GRHL2: variants seen among roughly 807,000 people sequenced by gnomAD.
GRHL2 encodes the protein grainyhead-like protein 2 homolog.
A neutral mutation model predicts 83.8 loss-of-function variants in GRHL2; 21 were observed. That is an observed-to-expected ratio of 0.25 (90% CI 0.18 to 0.36). GRHL2 has a LOEUF of 0.36. Ranked by LOEUF, GRHL2 falls within the 10% of genes least tolerant of loss-of-function variation. The pLI, the probability that GRHL2 is intolerant of heterozygous loss-of-function variation, is 1.00. For missense variants in GRHL2, 623 were observed against 781.8 expected (o/e 0.80, Z 2.42); for synonymous variants, 280 against 278.9 (o/e 1.00, Z -0.04).
At chr8:101,629,841 T>A (rs556086040) in intron 9 of GRHL2, among the ~76,000 whole-genome samples, 1 of 152,260 alleles carries the variant, frequency 6.6e-6, no homozygotes, top group African/African-American at 2.4e-5. Flanking sequence ...TTTGAAAATA[T>A]GTTTTCTAGC....
At chr8:101,550,082 G>A (rs1811346851) in intron 2 of GRHL2, among the ~76,000 whole-genome samples, 1 of 151,086 alleles carries the variant, frequency 6.6e-6, no homozygotes, top group South Asian at 2.1e-4. Context: ...TAATCTCAAT[G>A]CCAGTGGAAT....
intron 1 of GRHL2, among the ~76,000 whole-genome samples, chr8:101,538,070 C>T (rs990334149): frequency 2.6e-5 from 4 of 152,216 alleles, no homozygotes; most frequent in Non-Finnish European, 5.9e-5. Context: ...CGGGGTTTCC[C>T]ATGAACATGC....
the GRHL2 span, among the ~76,000 whole-genome samples, chr8:101,681,123 T>G: frequency 6.7e-6 from 1 of 149,568 alleles, no homozygotes; most frequent in African/African-American, 2.5e-5. Context: ...CTTCAAAAAA[T>G]TAATGAATCC....
At chr8:101,535,410 G>C (rs901846103) in intron 1 of GRHL2, among the ~76,000 whole-genome samples, 15 of 152,168 alleles carry the variant, frequency 9.9e-5, no homozygotes, top group Non-Finnish European at 2.1e-4. Flanking sequence ...AGGCTGTTGT[G>C]AATCCAAGGC....
At chr8:101,663,905 GTTTT>G (rs771402553) in intron 14 of GRHL2, among the ~76,000 whole-genome samples, 6 of 144,906 alleles carry the variant, frequency 4.1e-5, no homozygotes, top group East Asian at 4.0e-4. Flanking sequence ...TAGCATTTTA[GTTTT>G]TTTTTTTCTG....
intron 8 of GRHL2, among the ~76,000 whole-genome samples, chr8:101,607,294 AC>A (rs1455099167): frequency 6.6e-6 from 1 of 152,194 alleles, no homozygotes; most frequent in African/African-American, 2.4e-5. Flanking sequence ...ACTGCTGGAT[AC>A]CAAAGGAGAA....
chr8:101,562,641 A>G (rs1563581773), intron 4 of GRHL2, among the ~76,000 whole-genome samples: 1 of 152,188 alleles, frequency 6.6e-6, no homozygotes. Context: ...TAAAAAGATG[A>G]TCTTGTATTC....
chr8:101,633,310 A>G (rs1343158258), intron 11 of GRHL2, among the ~76,000 whole-genome samples: 1 of 152,210 alleles, frequency 6.6e-6, no homozygotes, highest in Non-Finnish European at 1.5e-5. Context: ...TTTTGTATCA[A>G]TTAGTTTTCT....
chr8:101,586,427 C>T (rs1812173171), intron 7 of GRHL2, among the ~76,000 whole-genome samples: 1 of 152,180 alleles, frequency 6.6e-6, no homozygotes, highest in South Asian at 2.1e-4. Flanking sequence ...ATGGCCCTCT[C>T]TCGCTTCTTC....
At chr8:101,677,440 C>T in the GRHL2 span, among the ~76,000 whole-genome samples, 1 of 151,894 alleles carries the variant, frequency 6.6e-6, no homozygotes, top group African/African-American at 2.4e-5. Flanking sequence ...CGCCTACCTC[C>T]AAGATTGTAT....
At position 101,558,391 on chromosome 8, in the gene GRHL2, T is replaced by C. The variant is rs371351441; in HGVS notation, c.285-28T>C. 53 of 1,613,476 alleles carry C rather than the reference T, an allele frequency of 3.3e-5. No homozygotes were observed. In the African/African-American group the frequency reaches 6.7e-4, roughly 20 times the overall value. Reference sequence around the variant, plus strand: ...CCGAATGGTGATTTTTCTAATTCTATCATGTTGCGGGGGGTTTCAACACAC... The same window carrying C: ...CCGAATGGTGATTTTTCTAATTCTACCATGTTGCGGGGGGTTTCAACACAC... On this transcript the variant is annotated intron_variant, in intron 3 of 15. Coordinates refer to ENST00000646743, the MANE Select transcript of GRHL2 (RefSeq NM_024915.4).
chr8:101,659,379 T>TAC (rs1453554251), intron 14 of GRHL2, among the ~76,000 whole-genome samples: 3 of 152,218 alleles, frequency 2.0e-5, no homozygotes, highest in Non-Finnish European at 4.4e-5. Context: ...TTCATATATA[T>TAC]ACTGTTTGGG....
At chr8:101,581,121 A>G (rs761293575) in intron 7 of GRHL2, among the ~76,000 whole-genome samples, 1 of 152,226 alleles carries the variant, frequency 6.6e-6, no homozygotes, top group Non-Finnish European at 1.5e-5. Flanking sequence ...AGACTGGTTC[A>G]CAGACATCCT....
chr8:101,553,471 A>G (rs1811427607), intron 3 of GRHL2, among the ~76,000 whole-genome samples: 1 of 152,190 alleles, frequency 6.6e-6, no homozygotes, highest in African/African-American at 2.4e-5. Context: ...GTACCCATTC[A>G]GTCCCAGGCA....
chr8:101,599,317 G>A (rs1812462767), intron 8 of GRHL2, among the ~76,000 whole-genome samples, 166 bp downstream of exon 8: 1 of 152,156 alleles, frequency 6.6e-6, no homozygotes, highest in Admixed American at 6.5e-5. Flanking sequence ...GCTCCTCTGT[G>A]GCTTCCTGTA....
In GRHL2 at chr8:101,571,751, TC is replaced by T. The variant is rs530373184; in HGVS notation, c.734+1361del. ...AAGTCCTCTGGTTCCAATCTCAGGC[TC>T]CCCACTCATCCTCCCCAGATCATCT... On this transcript the variant is annotated intron_variant, in intron 5 of 15. Coordinates refer to ENST00000646743, the MANE Select transcript of GRHL2 (RefSeq NM_024915.4). Among the ~76,000 whole-genome samples, 86 of 152,166 alleles carry T rather than the reference TC, an allele frequency of 5.7e-4. 1 individual carries two copies. In the South Asian group the frequency reaches 0.012, roughly 21 times the overall value.
At chr8:101,660,330 C>T (rs1813894536) in intron 14 of GRHL2, among the ~76,000 whole-genome samples, 1 of 152,176 alleles carries the variant, frequency 6.6e-6, no homozygotes, top group South Asian at 2.1e-4. Flanking sequence ...ACCTCATCAA[C>T]CTTAAATTAT....
chr8:101,680,741 G>A, the GRHL2 span, among the ~76,000 whole-genome samples: 5 of 129,338 alleles, frequency 3.9e-5, 1 homozygote, highest in East Asian at 1.1e-3. Flanking sequence ...AGACCACAGT[G>A]CAATCAAACT....
At chr8:101,505,615 C>T (rs141044325) in intron 1 of GRHL2, among the ~76,000 whole-genome samples, 176 of 149,518 alleles carry the variant, frequency 1.2e-3, no homozygotes, top group African/African-American at 4.1e-3. Flanking sequence ...AATAAAGGCA[C>T]CTATCCTTAC....
Sources: gnomAD v4.1 joint callset for allele counts (sites outside exome capture counted in the v4.1 genomes callset) on GRCh38, gnomAD v4.1.1 for gene constraint, MANE v1.5 for transcripts, NCBI Gene and HGNC (gene_info 2026-07-23, HGNC 2026-07-21) for gene names.